OR2L13: variants seen among roughly 807,000 people sequenced by gnomAD.
The protein encoded by OR2L13 is olfactory receptor family 2 subfamily L member 13.
Under a neutral mutation model 15.3 loss-of-function variants are expected in OR2L13, and 14 were observed. That is an observed-to-expected ratio of 0.91 (90% confidence interval 0.60 to 1.43). The LOEUF (loss-of-function observed/expected upper bound fraction) is 1.43. Ranked by LOEUF, OR2L13 falls within the 40% of genes most tolerant of loss-of-function variation. The pLI is 0.00. For synonymous variants in OR2L13, 152 were observed against 142.9 expected (o/e 1.06, Z -0.45); for missense variants, 367 against 387.9 (o/e 0.95, Z 0.45).
At chr1:248,014,753 A>C in the OR2L13 span, among the ~76,000 whole-genome samples, 1 of 152,170 alleles carries the variant, frequency 6.6e-6, no homozygotes, top group African/African-American at 2.4e-5. Flanking sequence ...CACGGTCACT[A>C]TGTCACAGAC....
chr1:248,026,439 G>C, the OR2L13 span, among the ~76,000 whole-genome samples: 1 of 152,200 alleles, frequency 6.6e-6, no homozygotes, highest in Admixed American at 6.5e-5. Flanking sequence ...GTTCACGTTG[G>C]TTCTCTCAAG....
the OR2L13 span, among the ~76,000 whole-genome samples, chr1:248,020,005 T>C: frequency 6.4e-4 from 97 of 152,238 alleles, no homozygotes; most frequent in East Asian, 0.015. Flanking sequence ...TTGGTCTCAA[T>C]GTTCTGAGCT....
At chr1:248,011,825 A>G in the OR2L13 span, among the ~76,000 whole-genome samples, 1 of 152,104 alleles carries the variant, frequency 6.6e-6, no homozygotes, top group South Asian at 2.1e-4. Context: ...GCCTGTATCA[A>G]TCCTCCTGCC....
chr1:247,968,069 G>C, the OR2L13 span, among the ~76,000 whole-genome samples: 1 of 152,096 alleles, frequency 6.6e-6, no homozygotes, highest in South Asian at 2.1e-4. Flanking sequence ...AAAGGAGAAA[G>C]AGGAACAAAC....
the OR2L13 span, chr1:248,060,604 T>C: frequency 3.5e-6 from 4 of 1,148,424 alleles, no homozygotes; most frequent in Non-Finnish European, 3.8e-6. Context: ...TTCAAATGCA[T>C]TCCCTGCAGA....
At chr1:247,949,499 A>T in the OR2L13 span, 3 of 1,613,372 alleles carry the variant, frequency 1.9e-6, no homozygotes, top group Non-Finnish European at 2.5e-6. Context: ...TTGGTATTTC[A>T]TGTTCCTATG....
chr1:248,088,017 A>G, the OR2L13 span, among the ~76,000 whole-genome samples: 2 of 152,202 alleles, frequency 1.3e-5, no homozygotes, highest in Admixed American at 6.5e-5. Context: ...AGCATTTTAC[A>G]TACATTTACA....
At chr1:247,964,967 ATATAAC>A in the OR2L13 span, among the ~76,000 whole-genome samples, 3 of 149,734 alleles carry the variant, frequency 2.0e-5, no homozygotes, top group African/African-American at 7.3e-5. Context: ...TTTAAAAGAT[ATATAAC>A]TATGAGTATA....
chr1:247,993,164 A>G, the OR2L13 span, among the ~76,000 whole-genome samples: 1 of 151,956 alleles, frequency 6.6e-6, no homozygotes, highest in Non-Finnish European at 1.5e-5. Flanking sequence ...GGCCACTTGT[A>G]TGTCTTCTTC....
chr1:248,009,601 A>G, the OR2L13 span, among the ~76,000 whole-genome samples: 2 of 152,174 alleles, frequency 1.3e-5, no homozygotes, highest in South Asian at 2.1e-4. Flanking sequence ...GGTACAAAGC[A>G]GAGCTGGAAT....
chr1:248,021,909 C>A, the OR2L13 span: 1 of 1,531,616 alleles, frequency 6.5e-7, no homozygotes, highest in African/African-American at 1.4e-5. Flanking sequence ...CTTGACTTAC[C>A]CTTGTGTCTC....
chr1:248,097,727 C>G (rs780443706), intron 1 of OR2L13, among the ~76,000 whole-genome samples: 1 of 152,206 alleles, frequency 6.6e-6, no homozygotes, highest in Non-Finnish European at 1.5e-5. Context: ...GTATTGGATA[C>G]ACCTCATGGG....
the OR2L13 span, among the ~76,000 whole-genome samples, chr1:248,033,602 A>G: frequency 1.0e-4 from 6 of 58,940 alleles, no homozygotes; most frequent in African/African-American, 3.0e-4. Context: ...ACACCTGGCT[A>G]ATTTTTGTTT....
chr1:247,994,964 T>G, the OR2L13 span, among the ~76,000 whole-genome samples: 2 of 152,234 alleles, frequency 1.3e-5, no homozygotes, highest in African/African-American at 2.4e-5. Flanking sequence ...GATCTCACTT[T>G]CCTTAGTATG....
At chr1:248,021,750 C>A in the OR2L13 span, among the ~76,000 whole-genome samples, 10 of 152,032 alleles carry the variant, frequency 6.6e-5, no homozygotes, top group African/African-American at 2.4e-4. Flanking sequence ...TTGTTAATTT[C>A]TTCCTTGTCT....
the OR2L13 span, among the ~76,000 whole-genome samples, chr1:248,080,293 A>C: frequency 2.0e-5 from 3 of 152,142 alleles, no homozygotes; most frequent in African/African-American, 7.2e-5. Context: ...TATTAGAATT[A>C]TACTTTAAGT....
chr1:248,025,536 T>C, the OR2L13 span, among the ~76,000 whole-genome samples: 1 of 149,452 alleles, frequency 6.7e-6, no homozygotes, highest in East Asian at 1.9e-4. Context: ...TGGAAGTCAG[T>C]GTGGCGATTC....
the OR2L13 span, among the ~76,000 whole-genome samples, chr1:247,948,096 G>A: frequency 3.9e-5 from 6 of 151,948 alleles, no homozygotes; most frequent in African/African-American, 7.3e-5. Flanking sequence ...GGCTGTAGTC[G>A]CAGCTACTCA....
chr1:247,986,807 C>G, the OR2L13 span, among the ~76,000 whole-genome samples: 2 of 152,090 alleles, frequency 1.3e-5, no homozygotes, highest in African/African-American at 4.8e-5. Context: ...GTTTGTTGTT[C>G]TCCTTGTAGA....
Sources: gnomAD v4.1 joint callset for allele counts (sites outside exome capture counted in the v4.1 genomes callset) on GRCh38, gnomAD v4.1.1 for gene constraint, MANE v1.5 for transcripts, NCBI Gene and HGNC (gene_info 2026-07-23, HGNC 2026-07-21) for gene names.